DDX50: variants seen among roughly 807,000 people sequenced by gnomAD.
DDX50 encodes DExD-box helicase 50, also known as ATP-dependent RNA helicase DDX50.
In DDX50, 56 loss-of-function variants were observed where a neutral mutation model predicts 94.8. The observed-to-expected ratio is 0.59, with a 90% CI of 0.48 to 0.74. DDX50 has a LOEUF of 0.74. Ranked by LOEUF, DDX50 falls within the 30% of genes least tolerant of loss-of-function variation. The pLI is 0.00. For missense variants in DDX50, 713 were observed against 881.2 expected (o/e 0.81, Z 2.42); for synonymous variants, 264 against 295.4 (o/e 0.89, Z 1.09).
At chr10:68,903,976 A>AG (rs1841367864) in intron 1 of DDX50, among the ~76,000 whole-genome samples, 1 of 142,134 alleles carries the variant, frequency 7.0e-6, no homozygotes, top group Non-Finnish European at 1.5e-5. Context: ...ACTCCGTCTC[A>AG]GAAAAAAAAA....
rs1460217254 is a variant in DDX50 at position 68,934,501 on chromosome 10, T to G, written c.1401+141T>G. On this transcript the variant is annotated intron_variant, in intron 9 of 14. Transcript: ENST00000373585. This position sits in a 1 kb window ranked among gnomAD's most constrained non-coding sequence, Gnocchi z 4.0. Reference sequence around the variant, plus strand: ...TTTTTTGTTAGTGTGCTATTAAATTTATCAGATTCTGATACTTTTGCAGAT... The same window carrying G: ...TTTTTTGTTAGTGTGCTATTAAATTGATCAGATTCTGATACTTTTGCAGAT... 2.5e-5 allele frequency: 30 copies of G among 1,191,322 alleles called. No homozygotes were observed. 73.8% of individuals were successfully genotyped at this position (1,191,322 alleles called of 1,614,324 possible). A position where few individuals can be genotyped will look rare whatever the true frequency, so the allele number is the denominator to read the frequency against.
At chr10:68,939,207 A>G (rs1210940291) in intron 12 of DDX50, among the ~76,000 whole-genome samples, 1 of 152,204 alleles carries the variant, frequency 6.6e-6, no homozygotes, top group Non-Finnish European at 1.5e-5. Flanking sequence ...CTCTGTAATT[A>G]GTAACTTGTG....
chr10:68,919,126 G>A (rs1198681240), intron 7 of DDX50, among the ~76,000 whole-genome samples: 1 of 152,144 alleles, frequency 6.6e-6, no homozygotes, highest in Non-Finnish European at 1.5e-5. Flanking sequence ...TACACTCTTT[G>A]ATGTTTGCGT....
chr10:68,915,666 A>G (rs1841765675), intron 7 of DDX50, among the ~76,000 whole-genome samples: 1 of 151,886 alleles, frequency 6.6e-6, no homozygotes, highest in Non-Finnish European at 1.5e-5. Flanking sequence ...CAGTGAGCCA[A>G]GATCGTGCCA....
intron 8 of DDX50, among the ~76,000 whole-genome samples, chr10:68,921,208 T>C (rs1841931463): frequency 6.6e-6 from 1 of 152,072 alleles, no homozygotes; most frequent in Non-Finnish European, 1.5e-5. Flanking sequence ...AATACTGTTA[T>C]CACATCTAAA....
rs1252032532 is a variant in DDX50, at chr10:68,907,325, T to TC, written c.384+318_384+319insC. Among the ~76,000 whole-genome samples, 1,012 of 149,872 alleles carry TC rather than the reference T, an allele frequency of 6.8e-3. 18 individuals carry two copies. The highest frequency in any genetic ancestry group is 0.024 in the African/African-American group (968 of 40,968). Reference sequence around the variant, plus strand: ...AATTTCTTTTCTTTTTTCTTTTTTTTTTTTTTTTGAGTCAGAGTCTCTCTC... The same window carrying TC: ...AATTTCTTTTCTTTTTTCTTTTTTTTCTTTTTTTTGAGTCAGAGTCTCTCTC... On this transcript the variant is annotated intron_variant, in intron 2 of 14. Transcript: ENST00000373585.
rs954692964 is a variant in DDX50 at position 68,934,506 on chromosome 10, G to A, written c.1401+146G>A. Reference sequence around the variant, plus strand: ...TGTTAGTGTGCTATTAAATTTATCAGATTCTGATACTTTTGCAGATGATTA... The same window carrying A: ...TGTTAGTGTGCTATTAAATTTATCAAATTCTGATACTTTTGCAGATGATTA... On this transcript the variant is annotated intron_variant, in intron 9 of 14. Transcript: ENST00000373585. This position sits in a 1 kb window ranked among gnomAD's most constrained non-coding sequence, Gnocchi z 4.0. The A allele has an allele frequency of 7.7e-6, 9 of 1,168,474 alleles. No individual in the cohort carries two copies. Among genetic ancestry groups the A allele is most frequent in the Non-Finnish European group, 9.6e-6 (8 of 836,284 alleles). The allele number at this position is 1,168,474 out of a possible 1,614,324, so 72.4% of individuals were successfully genotyped here. A position where few individuals can be genotyped will look rare whatever the true frequency, so the allele number is the denominator to read the frequency against.
In DDX50 at chr10:68,905,402, A is replaced by G. The variant is rs138406968; in HGVS notation, c.88-1309A>G. Among the ~76,000 whole-genome samples, 139 of 151,764 alleles carry G rather than the reference A, an allele frequency of 9.2e-4. 1 individual carries two copies. The East Asian group carries it at 0.016, about 17-fold the overall frequency. ...ACTGTCCTTCCGTGGAAGTATAACAATTGGACTTCTATATGAATTATATAG... is the reference window on the plus strand; with the variant it reads ...ACTGTCCTTCCGTGGAAGTATAACAGTTGGACTTCTATATGAATTATATAG... On this transcript the variant is annotated intron_variant, in intron 1 of 14. Transcript: ENST00000373585.
rs758194003 is a variant in DDX50, at chr10:68,911,253, G to A, written c.639+7G>A. 68 of 1,573,138 alleles carry A rather than the reference G, an allele frequency of 4.3e-5. No individual in the cohort carries two copies. The highest frequency in any genetic ancestry group is 1.2e-4 in the African/African-American group (9 of 72,642). On this transcript the variant is annotated splice_region_variant and intron_variant, in intron 4 of 14. Transcript: ENST00000373585. ...AAAAAGCCGCTCACCAAAGGTAATC[G>A]TTATAGGGGGTAAAAGCTTTAAATG...
chr10:68,931,454 T>A (rs987269216), intron 8 of DDX50, among the ~76,000 whole-genome samples: 4 of 60,012 alleles, frequency 6.7e-5, no homozygotes, highest in Non-Finnish European at 1.0e-4. Flanking sequence ...CACAATTTTT[T>A]TTTTGAGATG....
intron 13 of DDX50, among the ~76,000 whole-genome samples, chr10:68,942,951 A>G (rs1471331591): frequency 2.0e-5 from 3 of 152,074 alleles, no homozygotes; most frequent in East Asian, 3.9e-4. Context: ...GAGACTTTCT[A>G]TCATTAAATT....
intron 1 of DDX50, among the ~76,000 whole-genome samples, chr10:68,904,983 A>G (rs1197095975): frequency 6.6e-6 from 1 of 152,244 alleles, no homozygotes; most frequent in Non-Finnish European, 1.5e-5. Context: ...AGTAGTTTTT[A>G]CTATCACTAA....
chr10:68,920,947 C>A (rs1257593898), intron 8 of DDX50, among the ~76,000 whole-genome samples: 73 of 86,064 alleles, frequency 8.5e-4, no homozygotes, highest in Non-Finnish European at 1.3e-3. Context: ...GACTCCATCT[C>A]AAAAAAAAAA....
chr10:68,912,484 G>A (rs971199360), intron 4 of DDX50, among the ~76,000 whole-genome samples: 3 of 152,178 alleles, frequency 2.0e-5, no homozygotes, highest in Non-Finnish European at 2.9e-5. Flanking sequence ...AAGGTGTTGG[G>A]ATTACAGGTG....
chr10:68,944,060 A>G (rs1322649891), intron 14 of DDX50, among the ~76,000 whole-genome samples: 1 of 152,196 alleles, frequency 6.6e-6, no homozygotes. Flanking sequence ...TAGGTATTCT[A>G]TCATTTCAAC....
chr10:68,940,947 T>C, intron 12 of DDX50, 113 bp from the exon 13 acceptor site: 1 of 1,397,382 alleles, frequency 7.2e-7, no homozygotes, highest in Non-Finnish European at 9.5e-7. Context: ...TGCAATGTTA[T>C]ACTTTTGGCT....
At chr10:68,944,584 G>C (rs1426968550) in intron 14 of DDX50, among the ~76,000 whole-genome samples, 1 of 151,642 alleles carries the variant, frequency 6.6e-6, no homozygotes, top group African/African-American at 2.4e-5. Flanking sequence ...ATCTCGCTCT[G>C]CTGCCAGGCT....
In DDX50 at chr10:68,925,095, G is replaced by GTTTTTTTTTTTT. The variant is rs1239190321; in HGVS notation, c.1239+5128_1239+5139dup. Among the ~76,000 whole-genome samples the GTTTTTTTTTTTT allele has an allele frequency of 6.3e-4, 18 of 28,576 alleles. 1 individual carries two copies. The highest frequency in any genetic ancestry group is 2.0e-3 in the African/African-American group (18 of 8,876). 18.7% of individuals were successfully genotyped at this position (28,576 alleles called of 152,430 possible). On this transcript the variant is annotated intron_variant, in intron 8 of 14. Transcript: ENST00000373585. ...CAAGAATTATCCTTCCCTGCTCATG[G>GTTTTTTTTTTTT]TTTTTTTTTTTTTTTTTTTTTTTTT...
chr10:68,906,827 G>T lies in DDX50; in HGVS notation c.204G>T (p.Glu68Asp). The T allele has an allele frequency of 6.2e-7, 1 of 1,613,730 alleles. No individual in the cohort carries two copies. Among genetic ancestry groups the T allele is most frequent in the Non-Finnish European group, 8.5e-7 (1 of 1,179,950 alleles). The part of the protein sequence containing the change: ...APKAKKSKMK[E>D]KLNGDTEEGF... ...AGGCCAAAAAATCTAAAATGAAAGA[G>T]AAGCTAAATGGAGACACTGAAGAAG... Residue 68 changes from glutamate (E) to aspartate (D), a missense_variant, in exon 2 of 15, where the codon GAG (glutamate) becomes GAT (aspartate). Physicochemically the swap from Glu to Asp is conservative, Grantham distance 45. Around this residue, in one of 2 missense-constraint regions of DDX50, gnomAD observed 285 missense variants for 278.9 expected, o/e 1.02. Transcript: ENST00000373585.
Sources: gnomAD v4.1 joint callset for allele counts (sites outside exome capture counted in the v4.1 genomes callset) on GRCh38, gnomAD v4.1.1 for gene constraint, gnomAD v4.1.1 regional missense constraint, Gnocchi (gnomAD v3.1) non-coding constraint, MANE v1.5 for transcripts, NCBI Gene and HGNC (gene_info 2026-07-23, HGNC 2026-07-21) for gene names.